The following KASH5 variants were observed in gnomAD, a reference collection of about 807,000 sequenced individuals.
KASH5 encodes protein KASH5.
Under a neutral mutation model 84.2 loss-of-function variants are expected in KASH5, and 72 were observed. The ratio of observed to expected loss-of-function variants is 0.85; its 90% CI spans 0.71 to 1.04. KASH5 has a LOEUF of 1.04. Ranked by LOEUF, KASH5 falls within the 50% of genes least tolerant of loss-of-function variation. The pLI is 0.00. For missense variants in KASH5, 650 were observed against 701.0 expected (o/e 0.93, Z 0.82); for synonymous variants, 260 against 279.1 (o/e 0.93, Z 0.68).
rs779834088 is a variant in KASH5 at position 49,394,519 on chromosome 19, G to A, written c.87G>A (p.Pro29=). ...ERPEEARLGM[P]VSLEEQILNS... ...CTGAGGAGGCAAGGCTGGGAATGCCGGTCAGCTTGGAGGAGCAAATACTCA... is the reference window on the plus strand; with the variant it reads ...CTGAGGAGGCAAGGCTGGGAATGCCAGTCAGCTTGGAGGAGCAAATACTCA... The change falls in exon 3 of 20, where the codon CCG becomes CCA. Residue 29 remains proline, a synonymous_variant. Coordinates refer to ENST00000447857, the MANE Select transcript of KASH5 (RefSeq NM_144688.5). The A allele has an allele frequency of 1.1e-5, 18 of 1,613,704 alleles. 1 individual carries two copies. The highest frequency in any genetic ancestry group is 3.3e-5 in the South Asian group (3 of 91,084).
In KASH5 at chr19:49,394,491, G is replaced by C; in HGVS notation, c.59G>C (p.Arg20Pro). The C allele has an allele frequency of 6.2e-7, 1 of 1,613,650 alleles. No homozygotes were observed. Among genetic ancestry groups the C allele is most frequent in the Non-Finnish European group, 8.5e-7 (1 of 1,179,714 alleles). The change falls in exon 3 of 20, where the codon CGG becomes CCG. Residue 20 changes from arginine (R) to proline (P), a missense_variant. Coordinates refer to ENST00000447857, the MANE Select transcript of KASH5 (RefSeq NM_144688.5). The stretch of plus-strand genomic sequence containing the variant: ...GTCTCCCCAGTGTACCTCCGGGAGC[G>C]GCCTGAGGAGGCAAGGCTGGGAATG... ...GPTAEMYLRE[R>P]PEEARLGMPV...
At position 49,407,171 on chromosome 19, in the gene KASH5, C is replaced by T. The variant is rs570790266; in HGVS notation, c.877-69C>T. ...TGGGGGTGCGAGAGAACAGGTGGGG[C>T]CAGGTGGAGGGCAGGACCAAGGGGA... On this transcript the variant is annotated intron_variant, in intron 10 of 19. Transcript: ENST00000447857. The T allele has an allele frequency of 3.3e-5, 52 of 1,558,986 alleles. No homozygotes were observed. The South Asian group carries it at 5.2e-4, about 15-fold the overall frequency.
chr19:49,411,692 T>G (rs1974713793), intron 15 of KASH5, among the ~76,000 whole-genome samples: 1 of 152,126 alleles, frequency 6.6e-6, no homozygotes, highest in Non-Finnish European at 1.5e-5. Context: ...GCTGAGTCCC[T>G]TGGGGCCGGG....
intron 7 of KASH5, 60 bp downstream of exon 7, chr19:49,398,203 G>C (rs2122131112): frequency 8.3e-6 from 12 of 1,452,924 alleles, no homozygotes; most frequent in Non-Finnish European, 1.1e-5. Flanking sequence ...CCCTGCAGCA[G>C]CCGGCCTCTA....
chr19:49,397,769 C>T, intron 6 of KASH5, 52 bp downstream of exon 6: 2 of 1,588,890 alleles, frequency 1.3e-6, no homozygotes, highest in Non-Finnish European at 1.7e-6. Context: ...CCTGTCCCCT[C>T]CAGCCTGCCG....
At chr19:49,410,427 A>G (rs7247722) in intron 15 of KASH5, among the ~76,000 whole-genome samples, 5,187 of 150,936 alleles carry the variant, frequency 0.034, 280 homozygotes, top group African/African-American at 0.12. Context: ...TGGATAAGCA[A>G]TCCTCCCACC....
In KASH5 at chr19:49,397,705, C is replaced by T. The variant is rs779390639; in HGVS notation, c.455C>T (p.Pro152Leu). The change falls in exon 6 of 20, where the codon CCC becomes CTC. Residue 152 changes from proline (P) to leucine (L), a missense_variant. By Grantham distance (98) the Pro-to-Leu change is moderately conservative. Coordinates refer to ENST00000447857, the MANE Select transcript of KASH5 (RefSeq NM_144688.5). ...ANLESFGGED[P>L]RPELQATADL... ...CTGGAGAGCTTCGGAGGCGAAGACC[C>T]CAGACCCGAGCTGTACCTATCCTCA... 3.7e-6 allele frequency: 6 copies of T among 1,613,540 alleles called. No individual in the cohort carries two copies. In the African/African-American group the frequency reaches 6.7e-5, roughly 18 times the overall value.
chr19:49,403,640 C>T (rs191461857), intron 9 of KASH5, among the ~76,000 whole-genome samples: 17 of 152,346 alleles, frequency 1.1e-4, no homozygotes, highest in African/African-American at 3.8e-4. Context: ...TCCACCTTGA[C>T]TCACTCCCAT....
chr19:49,400,442 G>C (rs8111663), intron 9 of KASH5, among the ~76,000 whole-genome samples: 89,647 of 147,872 alleles, frequency 0.61, 27,823 homozygotes, highest in African/African-American at 0.76. Flanking sequence ...CTTACCTCAT[G>C]GCAACCACCG....
intron 12 of KASH5, 38 bp from the exon 13 acceptor site, chr19:49,408,929 T>A: frequency 6.4e-7 from 1 of 1,555,902 alleles, no homozygotes; most frequent in Non-Finnish European, 8.7e-7. Context: ...GTGGGAAAAA[T>A]GCAGAGCCAA....
chr19:49,409,286 G>A lies in KASH5; in HGVS notation c.1146+3G>A, dbSNP rs368301722. 2 of 1,613,190 alleles carry A rather than the reference G, an allele frequency of 1.2e-6. No homozygotes were observed. The highest frequency in any genetic ancestry group is 1.7e-6 in the Non-Finnish European group (2 of 1,179,716). On this transcript the variant is annotated splice_donor_region_variant and intron_variant, in intron 14 of 19. Coordinates refer to ENST00000447857, the MANE Select transcript of KASH5 (RefSeq NM_144688.5). ...TGGAGATCGAGGCCATTCGACAGGT[G>A]GGCCTAACACCCCTGGAATAAGCTG...
At chr19:49,390,577 C>A (rs924907523) in intron 1 of KASH5, among the ~76,000 whole-genome samples, 1 of 152,156 alleles carries the variant, frequency 6.6e-6, no homozygotes, top group Admixed American at 6.5e-5. Flanking sequence ...TGACCTCCCC[C>A]ACCCACCCAC....
At chr19:49,391,118 C>CCTGTCAG (rs1568607528) in intron 2 of KASH5, among the ~76,000 whole-genome samples, 192 bp downstream of exon 2, 23 of 152,270 alleles carry the variant, frequency 1.5e-4, no homozygotes, top group African/African-American at 5.5e-4. Context: ...CCACCTGTCA[C>CCTGTCAG]TACCCCTTAT....
intron 2 of KASH5, chr19:49,393,808 T>G (rs535676641): frequency 6.6e-6 from 1 of 152,394 alleles, no homozygotes; most frequent in African/African-American, 2.4e-5. Context: ...AAACCGAGGC[T>G]CTAACAGAAG....
intron 1 of KASH5, among the ~76,000 whole-genome samples, chr19:49,388,724 C>T (rs543512844): frequency 2.0e-5 from 3 of 151,998 alleles, no homozygotes; most frequent in Admixed American, 6.6e-5. Context: ...GACCACATCC[C>T]CTCAGATATA....
At chr19:49,397,808 G>C in intron 6 of KASH5, 91 bp downstream of exon 6, 1 of 1,506,910 alleles carries the variant, frequency 6.6e-7, no homozygotes, top group South Asian at 1.2e-5. Flanking sequence ...GGATCCTTCA[G>C]GGAAATGAAT....
At chr19:49,393,572 GC>G (rs1974072176) in intron 2 of KASH5, 2 of 152,328 alleles carry the variant, frequency 1.3e-5, no homozygotes, top group Non-Finnish European at 1.5e-5. Context: ...GGCTGGGCCA[GC>G]CCAGTGGCTC....
intron 2 of KASH5, among the ~76,000 whole-genome samples, chr19:49,392,992 C>G (rs1439550790): frequency 1.3e-5 from 2 of 151,858 alleles, no homozygotes; most frequent in Non-Finnish European, 2.9e-5. Context: ...GTCCACACGC[C>G]CCTTCCCAAG....
intron 15 of KASH5, among the ~76,000 whole-genome samples, chr19:49,410,730 T>C (rs1974683766): frequency 6.6e-6 from 1 of 152,116 alleles, no homozygotes; most frequent in Non-Finnish European, 1.5e-5. Flanking sequence ...TTAGGTGATC[T>C]GCCCGCCTCG....
Sources: allele counts gnomAD v4.1 joint callset (sites outside exome capture counted in the v4.1 genomes callset), GRCh38; gene constraint gnomAD v4.1.1; transcripts MANE v1.5; gene names NCBI Gene and HGNC (gene_info 2026-07-23, HGNC 2026-07-21).